Variants in LAMA3 observed in about 807,000 individuals in gnomAD.
LAMA3 encodes the protein laminin subunit alpha 3.
LAMA3 carries 281 observed loss-of-function variants against 402.0 expected under a neutral mutation model. The ratio of observed to expected loss-of-function variants is 0.70; its 90% CI spans 0.63 to 0.77. LAMA3 has a LOEUF of 0.77. Among genes scored for constraint, LAMA3 ranks in the 30% least tolerant of loss-of-function variants. LAMA3 has a pLI of 0.00. For synonymous variants in LAMA3, 1,431 were observed against 1,558.4 expected, an observed-to-expected ratio of 0.92 and a Z score of 1.93; for missense variants, 3,840 against 4,215.5, an observed-to-expected ratio of 0.91 and a Z score of 2.47.
At chr18:23,779,733 A>G (rs536854074) in intron 11 of LAMA3, among the ~76,000 whole-genome samples, 5 of 152,246 alleles carry the variant, frequency 3.3e-5, no homozygotes, top group Admixed American at 3.3e-4. Flanking sequence ...GGGAGAAGGT[A>G]TGAGAGTCAT....
intron 14 of LAMA3, among the ~76,000 whole-genome samples, chr18:23,813,553 C>CTTTTTTTTTTTTTTTTTTTTTTTTTT (rs1164123647): frequency 8.7e-6 from 1 of 115,006 alleles, no homozygotes; most frequent in African/African-American, 3.4e-5. Context: ...TCTTTTCTTT[C>CTTTTTTTTTTTTTTTTTTTTTTTTTT]TTTTTTTTTT....
rs375861775 is a variant in LAMA3 at position 23,842,415 on chromosome 18, A to T, written c.3357A>T (p.Gly1119=). The change falls in exon 28 of 75, where the codon GGA becomes GGT. Residue 1119 remains glycine, a synonymous_variant. Coordinates refer to ENST00000313654, the MANE Select transcript of LAMA3 (RefSeq NM_198129.4). ...CTTAGAATCAAGTGACCCTGAGAGG[A>T]CGTGTACCACACCTGGGCCGATACG... ...KAPQNQVTLR[G]RVPHLGRYVF... 97 of 1,613,728 alleles carry T rather than the reference A, an allele frequency of 6.0e-5. No homozygotes were observed. Among genetic ancestry groups the T allele is most frequent in the Non-Finnish European group, 7.3e-5 (86 of 1,179,992 alleles).
Position 23,921,469 on chromosome 18 carries a change from A to T in LAMA3, c.8061A>T (p.Gly2687=). The T allele has an allele frequency of 6.2e-7, 1 of 1,612,446 alleles. No homozygotes were observed. The highest frequency in any genetic ancestry group is 1.3e-5 in the African/African-American group (1 of 75,014). Residue 2687 remains glycine, a synonymous_variant, in exon 62 of 75, where the codon GGA becomes GGT. Coordinates refer to ENST00000313654, the MANE Select transcript of LAMA3 (RefSeq NM_198129.4). ...TATTTCAGATTCAGATCAAAATTGG[A>T]AAACTCCAAAAGCGTATGTGGATAA... is the stretch of plus-strand genomic sequence containing the variant. The part of the protein sequence containing the change: ...GRDHSIQIKI[G]KLQKRMWINV...
chr18:23,762,537 C>T (rs370120865), intron 7 of LAMA3, among the ~76,000 whole-genome samples: 3 of 151,104 alleles, frequency 2.0e-5, no homozygotes, highest in East Asian at 4.0e-4. Context: ...CGCAGTGAGT[C>T]GAGATCGTGC....
In LAMA3 at chr18:23,773,572, C is replaced by A. The variant is rs1208227954; in HGVS notation, c.1258C>A (p.Pro420Thr). The change falls in exon 9 of 75, where the codon CCT becomes ACT. Residue 420 changes from proline to threonine, a missense_variant. Pro to Thr is a conservative substitution (Grantham distance 38, BLOSUM62 -1). This residue lies in a region of LAMA3 where 2,109 missense variants were observed against 2,376.0 expected (regional missense o/e 0.89). Transcript: ENST00000313654. ...YRPYGVPVDA[P>T]DGCIPCSCDP... ...CCCTTATGGGGTTCCAGTGGATGCCCCTGATGGCTGCATCCGTAAGTTTCA... is the reference window on the plus strand; with the variant it reads ...CCCTTATGGGGTTCCAGTGGATGCCACTGATGGCTGCATCCGTAAGTTTCA... The A allele has an allele frequency of 1.9e-6, 3 of 1,585,358 alleles. No homozygotes were observed. The highest frequency in any genetic ancestry group is 2.3e-5 in the East Asian group (1 of 44,176).
intron 42 of LAMA3, among the ~76,000 whole-genome samples, chr18:23,893,947 A>G (rs926035082): frequency 4.6e-5 from 7 of 152,206 alleles, no homozygotes; most frequent in Non-Finnish European, 8.8e-5. Context: ...ATAAGAAAAC[A>G]TGGCCCTTTA....
chr18:23,756,553 A>G (rs2143647791), intron 6 of LAMA3, among the ~76,000 whole-genome samples: 1 of 150,894 alleles, frequency 6.6e-6, no homozygotes, highest in South Asian at 2.1e-4. Context: ...GGAGTCAAGC[A>G]TCTTGGTTTA....
intron 68 of LAMA3, among the ~76,000 whole-genome samples, chr18:23,939,985 G>A (rs1177082596): frequency 6.6e-6 from 1 of 152,236 alleles, no homozygotes. Context: ...AATTGCCCGG[G>A]GGGCTAAAAG....
intron 36 of LAMA3, among the ~76,000 whole-genome samples, chr18:23,866,742 C>T (rs1177062998): frequency 6.6e-6 from 1 of 152,208 alleles, no homozygotes; most frequent in African/African-American, 2.4e-5. Context: ...ATAATTTAGG[C>T]TCACAAAACA....
chr18:23,909,510 T>C (rs2081363144), intron 55 of LAMA3, among the ~76,000 whole-genome samples: 1 of 152,216 alleles, frequency 6.6e-6, no homozygotes. Flanking sequence ...ATCAGGATCC[T>C]GAAGCAATTT....
chr18:23,921,070 C>A lies in LAMA3; in HGVS notation c.8043+16C>A. 6.2e-7 allele frequency: 1 copy of A among 1,613,532 alleles called. No individual in the cohort carries two copies. The highest frequency in any genetic ancestry group is 1.1e-5 in the South Asian group (1 of 91,050). ...AGACCATTCGGTACACCTTTTGAGT[C>A]TGTTTACTTGAATCGTTAAATGTCC... is the stretch of plus-strand genomic sequence containing the variant. On this transcript the variant is annotated intron_variant, in intron 61 of 74. Coordinates refer to ENST00000313654, the MANE Select transcript of LAMA3 (RefSeq NM_198129.4).
intron 64 of LAMA3, among the ~76,000 whole-genome samples, chr18:23,928,987 A>G (rs1173801177): frequency 6.6e-6 from 1 of 152,208 alleles, no homozygotes; most frequent in African/African-American, 2.4e-5. Flanking sequence ...ACAGAGTTGC[A>G]TTTGTGTGTA....
chr18:23,882,660 A>T (rs907584940), intron 40 of LAMA3, among the ~76,000 whole-genome samples: 1 of 151,780 alleles, frequency 6.6e-6, no homozygotes, highest in Non-Finnish European at 1.5e-5. Flanking sequence ...CAAGTTGTAT[A>T]CTTCCAGGCT....
chr18:23,772,106 A>C (rs987061408), intron 8 of LAMA3, among the ~76,000 whole-genome samples: 4 of 146,196 alleles, frequency 2.7e-5, no homozygotes, highest in Non-Finnish European at 5.9e-5. Context: ...CAGTGGTGTG[A>C]TTTCGGCTCA....
At chr18:23,869,081 A>G (rs548406569) in intron 37 of LAMA3, among the ~76,000 whole-genome samples, 7 of 152,362 alleles carry the variant, frequency 4.6e-5, no homozygotes, top group African/African-American at 1.7e-4. Context: ...ATATCAGTAA[A>G]ATGATAGAGA....
chr18:23,801,795 T>A (rs1313818311), intron 12 of LAMA3, among the ~76,000 whole-genome samples: 3 of 152,224 alleles, frequency 2.0e-5, no homozygotes, highest in Non-Finnish European at 4.4e-5. Flanking sequence ...TGATTAGTGA[T>A]GTTGAACATT....
At chr18:23,888,474 G>A (rs2080514714) in intron 41 of LAMA3, among the ~76,000 whole-genome samples, 1 of 152,020 alleles carries the variant, frequency 6.6e-6, no homozygotes, top group African/African-American at 2.4e-5. Flanking sequence ...GTGACCGTAG[G>A]GATATATCAG....
At chr18:23,788,828 G>A (rs1379322973) in intron 12 of LAMA3, among the ~76,000 whole-genome samples, 4 of 151,632 alleles carry the variant, frequency 2.6e-5, no homozygotes, top group African/African-American at 9.7e-5. Flanking sequence ...AAAGTGAAAA[G>A]ATAAATCATA....
intron 10 of LAMA3, among the ~76,000 whole-genome samples, 156 bp downstream of exon 10, chr18:23,776,079 A>G (rs1390604069): frequency 6.6e-6 from 1 of 152,202 alleles, no homozygotes; most frequent in Non-Finnish European, 1.5e-5. Flanking sequence ...AAAGTTTGGA[A>G]TATAAATTTT....
Sources: gnomAD v4.1 joint callset for allele counts (sites outside exome capture counted in the v4.1 genomes callset) on GRCh38, gnomAD v4.1.1 for gene constraint, gnomAD v4.1.1 regional missense constraint, MANE v1.5 for transcripts, NCBI Gene and HGNC (gene_info 2026-07-23, HGNC 2026-07-21) for gene names.